RNF217: variants seen among roughly 807,000 people sequenced by gnomAD.
The protein encoded by RNF217 is E3 ubiquitin-protein ligase RNF217.
Under a neutral mutation model 57.8 loss-of-function variants are expected in RNF217, and 31 were observed. The ratio of observed to expected loss-of-function variants is 0.54; its 90% CI spans 0.40 to 0.72. The LOEUF (loss-of-function observed/expected upper bound fraction) is 0.72, where lower values mean the gene tolerates loss of function less well. Among genes scored for constraint, RNF217 ranks in the 30% least tolerant of loss-of-function variants. The pLI is 0.00. For synonymous variants in RNF217, 313 were observed against 294.0 expected (o/e 1.06, Z -0.66); for missense variants, 696 against 708.3 (o/e 0.98, Z 0.20).
chr6:124,988,193 A>G (rs1784426295), intron 1 of RNF217, among the ~76,000 whole-genome samples: 1 of 152,170 alleles, frequency 6.6e-6, no homozygotes, highest in Non-Finnish European at 1.5e-5. Flanking sequence ...GAAATGGAAC[A>G]GTTTCATCCC....
chr6:125,062,563 TTTTG>T (rs997834189), intron 3 of RNF217, among the ~76,000 whole-genome samples: 2 of 152,078 alleles, frequency 1.3e-5, no homozygotes, highest in African/African-American at 4.8e-5. Flanking sequence ...TTATTGTTCC[TTTTG>T]TTTGTTTGTT....
intron 4 of RNF217, 57 bp downstream of exon 4, chr6:125,076,915 A>G (rs1421563653): frequency 4.1e-6 from 6 of 1,471,164 alleles, no homozygotes; most frequent in Non-Finnish European, 5.7e-6. Context: ...GTGAAAATAG[A>G]ACTTGGAAAT....
At chr6:125,036,913 TTA>T (rs1786651482) in intron 1 of RNF217, among the ~76,000 whole-genome samples, 1 of 148,658 alleles carries the variant, frequency 6.7e-6, no homozygotes, top group South Asian at 2.1e-4. Flanking sequence ...TATTTATTAT[TTA>T]TTATAAAGCA....
chr6:125,048,995 C>T (rs975198204), intron 2 of RNF217, among the ~76,000 whole-genome samples: 1 of 152,098 alleles, frequency 6.6e-6, no homozygotes, highest in South Asian at 2.1e-4. Context: ...CTTTTTCATC[C>T]ATAGTATTTC....
intron 1 of RNF217, among the ~76,000 whole-genome samples, chr6:125,005,235 G>C (rs576190454): frequency 6.6e-6 from 1 of 152,162 alleles, no homozygotes; most frequent in African/African-American, 2.4e-5. Flanking sequence ...AACTACTATG[G>C]AAAGGACTGA....
At chr6:125,021,268 CTTTT>C (rs3080911) in intron 1 of RNF217, among the ~76,000 whole-genome samples, 5 of 130,258 alleles carry the variant, frequency 3.8e-5, no homozygotes, top group Admixed American at 7.7e-5. Context: ...ATGGAAAAAG[CTTTT>C]TTTTTTTTTT....
At chr6:124,979,038 C>G (rs928204566) in intron 1 of RNF217, among the ~76,000 whole-genome samples, 2 of 151,972 alleles carry the variant, frequency 1.3e-5, no homozygotes, top group Non-Finnish European at 2.9e-5. Flanking sequence ...CCAGAAGAAA[C>G]CAATAGAGAG....
chr6:124,980,543 C>T (rs931502614), intron 1 of RNF217, among the ~76,000 whole-genome samples: 7 of 152,106 alleles, frequency 4.6e-5, no homozygotes, highest in Admixed American at 2.0e-4. Context: ...TACACATATT[C>T]CTCTCTTCCT....
intron 1 of RNF217, chr6:125,009,107 A>C: frequency 2.4e-6 from 2 of 831,810 alleles, no homozygotes; most frequent in Non-Finnish European, 3.6e-6. Context: ...CAGACGTGTT[A>C]GAAATGTATG....
intron 1 of RNF217, among the ~76,000 whole-genome samples, chr6:125,043,917 C>T (rs2114527853): frequency 6.6e-6 from 1 of 152,164 alleles, no homozygotes; most frequent in South Asian, 2.1e-4. Context: ...CACCCTCTTT[C>T]ATTTTGCTTT....
At chr6:125,059,229 G>A (rs1393287091) in intron 3 of RNF217, among the ~76,000 whole-genome samples, 1 of 152,176 alleles carries the variant, frequency 6.6e-6, no homozygotes, top group Admixed American at 6.5e-5. Flanking sequence ...CTTTCTAATA[G>A]AAGTGATGTC....
chr6:125,071,079 G>A lies in RNF217; in HGVS notation c.1282-5578G>A, dbSNP rs6906570. ...GGCCACATTCCAGTTCTTTTTTTTAGATACTTTGTGGGCATTTTATTGAAT... is the reference window on the plus strand; with the variant it reads ...GGCCACATTCCAGTTCTTTTTTTTAAATACTTTGTGGGCATTTTATTGAAT... On this transcript the variant is annotated intron_variant, in intron 3 of 5. Transcript: ENST00000521654. 9.8e-4 allele frequency among the ~76,000 whole-genome samples: 149 copies of A among 152,088 alleles called. 1 individual carries two copies. Among genetic ancestry groups the A allele is most frequent in the African/African-American group, 3.3e-3 (139 of 41,504 alleles).
At chr6:125,014,735 G>T (rs1324964390) in intron 1 of RNF217, among the ~76,000 whole-genome samples, 1 of 152,078 alleles carries the variant, frequency 6.6e-6, no homozygotes. Context: ...ATTTACCTGG[G>T]ATACAATCTT....
rs890437855 is a variant in RNF217 at position 125,064,069 on chromosome 6, C to T, written c.1281+5963C>T. The stretch of plus-strand genomic sequence containing the variant: ...ACTTGCAGTTGCTGAAATAAGAATC[C>T]GAAGTATTAATGTTGCATCTTATAG... On this transcript the variant is annotated intron_variant, in intron 3 of 5. Coordinates refer to ENST00000521654, the MANE Select transcript of RNF217 (RefSeq NM_001286398.3). 3.9e-5 allele frequency among the ~76,000 whole-genome samples: 6 copies of T among 152,072 alleles called. No individual in the cohort carries two copies. The East Asian group carries it at 5.8e-4, about 15-fold the overall frequency.
intron 1 of RNF217, among the ~76,000 whole-genome samples, chr6:125,037,271 T>A (rs897996988): frequency 1.3e-5 from 2 of 152,062 alleles, no homozygotes; most frequent in African/African-American, 4.8e-5. Context: ...AGATCAAGAG[T>A]ATTAGTCTAT....
chr6:124,967,829 A>G (rs899582194), intron 1 of RNF217, among the ~76,000 whole-genome samples: 1 of 151,950 alleles, frequency 6.6e-6, no homozygotes, highest in Non-Finnish European at 1.5e-5. Flanking sequence ...CCCAGGCTGG[A>G]GTGCAATGGC....
At chr6:125,079,467 C>A in intron 4 of RNF217, among the ~76,000 whole-genome samples, 1 of 150,464 alleles carries the variant, frequency 6.6e-6, no homozygotes, top group Admixed American at 6.6e-5. Context: ...AAGCCTGGAG[C>A]CAGAATTGAA....
At chr6:125,065,927 C>T (rs759306905) in intron 3 of RNF217, among the ~76,000 whole-genome samples, 27 of 152,156 alleles carry the variant, frequency 1.8e-4, no homozygotes, top group Admixed American at 8.5e-4. Context: ...ACTTCTCCAA[C>T]GCAGTATGTT....
chr6:125,019,967 T>C (rs1220463732), intron 1 of RNF217, among the ~76,000 whole-genome samples: 1 of 152,134 alleles, frequency 6.6e-6, no homozygotes, highest in Non-Finnish European at 1.5e-5. Context: ...CCAGTAACCC[T>C]GGGCGAGGGA....
Sources: allele counts gnomAD v4.1 joint callset (sites outside exome capture counted in the v4.1 genomes callset), GRCh38; gene constraint gnomAD v4.1.1; transcripts MANE v1.5; gene names NCBI Gene and HGNC (gene_info 2026-07-23, HGNC 2026-07-21).